Variants in GSAP observed in about 807,000 individuals in gnomAD.
GSAP encodes the protein gamma-secretase activating protein, also known as gamma-secretase-activating protein.
Under a neutral mutation model 131.7 loss-of-function variants are expected in GSAP, and 118 were observed. That is an observed-to-expected ratio of 0.90 (90% CI 0.77 to 1.04). The LOEUF (loss-of-function observed/expected upper bound fraction) is 1.04. GSAP is among the 50% of genes least tolerant of loss of function. The pLI is 0.00. For synonymous variants in GSAP, 381 were observed against 363.4 expected, an observed-to-expected ratio of 1.05 and a Z score of -0.55; for missense variants, 1,019 against 1,013.2, an observed-to-expected ratio of 1.01 and a Z score of -0.08.
chr7:77,334,047 A>AT (rs947152833), intron 19 of GSAP, among the ~76,000 whole-genome samples: 5 of 152,196 alleles, frequency 3.3e-5, no homozygotes, highest in Non-Finnish European at 7.4e-5. Flanking sequence ...GTATTATACC[A>AT]TTTGACCCAG....
intron 17 of GSAP, 91 bp from the exon 18 acceptor site, chr7:77,353,117 A>G (rs1437711561): frequency 8.2e-6 from 6 of 727,552 alleles, no homozygotes; most frequent in African/African-American, 1.7e-5. Flanking sequence ...ACGCAAACCA[A>G]CAAAGTTTTC....
chr7:77,341,679 G>A (rs1306543810), intron 19 of GSAP, among the ~76,000 whole-genome samples: 6 of 152,130 alleles, frequency 3.9e-5, no homozygotes, highest in Middle Eastern at 3.2e-3. Flanking sequence ...CCAGAAGGCC[G>A]TCTTATTCTC....
chr7:77,347,870 G>A (rs929438157), intron 19 of GSAP, among the ~76,000 whole-genome samples: 1 of 151,794 alleles, frequency 6.6e-6, no homozygotes, highest in Non-Finnish European at 1.5e-5. Context: ...AAAAAATTAT[G>A]GTCCATCATG....
intron 3 of GSAP, among the ~76,000 whole-genome samples, chr7:77,403,686 G>A (rs1391434912): frequency 6.6e-6 from 1 of 152,182 alleles, no homozygotes. Flanking sequence ...TGACCTGGGA[G>A]TACACAAATC....
chr7:77,416,174 T>TCCCCCCCCCCCCCCCCCCCCC, intron 1 of GSAP, 39 bp downstream of exon 1: 7 of 1,113,438 alleles, frequency 6.3e-6, no homozygotes, highest in South Asian at 1.7e-5. Context: ...GGACTCCCAC[T>TCCCCCCCCCCCCCCCCCCCCC]CCCCGCCCCC....
chr7:77,405,133 G>A (rs917986762), intron 2 of GSAP, among the ~76,000 whole-genome samples: 2 of 152,190 alleles, frequency 1.3e-5, no homozygotes, highest in African/African-American at 4.8e-5. Flanking sequence ...ACTTGACATT[G>A]AAAACACATT....
intron 19 of GSAP, among the ~76,000 whole-genome samples, chr7:77,344,528 A>G (rs374886584): frequency 6.6e-6 from 1 of 152,070 alleles, no homozygotes; most frequent in Non-Finnish European, 1.5e-5. Context: ...CATCCGTACT[A>G]TCTTCTGTCT....
At position 77,415,841 on chromosome 7, in the gene GSAP, C is replaced by G. The variant is rs985767463; in HGVS notation, c.109+372G>C. 24 of 209,898 alleles carry G rather than the reference C, an allele frequency of 1.1e-4. No homozygotes were observed. The Admixed American group carries it at 1.4e-3, about 13-fold the overall frequency. 13.0% of individuals were successfully genotyped at this position (209,898 alleles called of 1,614,324 possible). ...TGTCTTGGCAAAGCCCCTGCGCTGC[C>G]GATGAACCCCCCGGGAGGTGGGATG... On this transcript the variant is annotated intron_variant, in intron 1 of 30. Coordinates refer to ENST00000257626, the MANE Select transcript of GSAP (RefSeq NM_017439.4).
chr7:77,353,474 C>A, intron 17 of GSAP, 98 bp downstream of exon 17: 1 of 683,590 alleles, frequency 1.5e-6, no homozygotes, highest in Non-Finnish European at 2.6e-6. Flanking sequence ...TCCAAAGTAG[C>A]ATTTGGACAG....
chr7:77,407,895 T>C (rs1178062695), intron 1 of GSAP, among the ~76,000 whole-genome samples: 1 of 152,244 alleles, frequency 6.6e-6, no homozygotes, highest in Non-Finnish European at 1.5e-5. Context: ...AATTGTGTTA[T>C]ATCCAAACAG....
At position 77,376,839 on chromosome 7, in the gene GSAP, T is replaced by C; in HGVS notation, c.741+9A>G. The stretch of plus-strand genomic sequence containing the variant: ...ACTTTCCTGTAGTGTGATCATTTTC[T>C]GGACTTACCATTAAGTTATAGCTCT... On this transcript the variant is annotated intron_variant, in intron 10 of 30. Coordinates refer to ENST00000257626, the MANE Select transcript of GSAP (RefSeq NM_017439.4). The C allele has an allele frequency of 2.2e-6, 3 of 1,352,050 alleles. No homozygotes were observed. The highest frequency in any genetic ancestry group is 3.1e-6 in the Non-Finnish European group (3 of 966,422). 83.8% of individuals were successfully genotyped at this position (1,352,050 alleles called of 1,614,324 possible).
chr7:77,377,258 A>AAAAAAAAAAAAAG, intron 9 of GSAP, 28 bp downstream of exon 9: 1 of 1,400,742 alleles, frequency 7.1e-7, no homozygotes, highest in Non-Finnish European at 9.4e-7. Context: ...AAAAAAAAAA[A>AAAAAAAAAAAAAG]GGAGTGCCCG....
In GSAP at chr7:77,406,419, A is replaced by G. The variant is rs148678314; in HGVS notation, c.110-314T>C. The stretch of plus-strand genomic sequence containing the variant: ...ATACACTCTTTTCTGTGTGAATGTT[A>G]TACAATAAATTTCAAGTATCTATTA... On this transcript the variant is annotated intron_variant, in intron 1 of 30. Transcript: ENST00000257626. Among the ~76,000 whole-genome samples the G allele has an allele frequency of 8.9e-4, 136 of 152,298 alleles. 1 individual carries two copies. The highest frequency in any genetic ancestry group is 3.1e-3 in the African/African-American group (127 of 41,552).
intron 19 of GSAP, among the ~76,000 whole-genome samples, chr7:77,331,645 G>A (rs1422241263): frequency 6.6e-6 from 1 of 152,160 alleles, no homozygotes; most frequent in Non-Finnish European, 1.5e-5. Flanking sequence ...GTGTTTTGGA[G>A]TATCAGTAAA....
Position 77,311,441 on chromosome 7 carries a change from G to C in GSAP, c.2482C>G (p.Pro828Ala). Residue 828 changes from proline (P) to alanine (A), a missense_variant, in exon 31 of 31, where the codon CCT (proline) becomes GCT (alanine). Pro to Ala is a conservative substitution (Grantham distance 27, BLOSUM62 -1). Coordinates refer to ENST00000257626, the MANE Select transcript of GSAP (RefSeq NM_017439.4). The part of the protein sequence containing the change: ...DIESSNQALY[P>A]FEGHDNVDAE... ...TCCACATTGTCATGTCCTTCAAAAGGATACAGGGCTGGAAAAAAATGGGGA... is the reference window on the plus strand; with the variant it reads ...TCCACATTGTCATGTCCTTCAAAAGCATACAGGGCTGGAAAAAAATGGGGA... 1 of 1,604,520 alleles carries C rather than the reference G, an allele frequency of 6.2e-7. No homozygotes were observed.
rs1023198489 is a variant in GSAP, at chr7:77,382,470, C to T, written c.526+104G>A. The T allele has an allele frequency of 6.0e-6, 4 of 669,428 alleles. No individual in the cohort carries two copies. The East Asian group carries it at 7.7e-5, about 13-fold the overall frequency. 41.5% of individuals were successfully genotyped at this position (669,428 alleles called of 1,614,324 possible). A position where few individuals can be genotyped will look rare whatever the true frequency, so the allele number is the denominator to read the frequency against. On this transcript the variant is annotated intron_variant, in intron 7 of 30. Coordinates refer to ENST00000257626, the MANE Select transcript of GSAP (RefSeq NM_017439.4). ...TATGGACATCAAAGCTTAGCAGACC[C>T]TTGGCAATGGCAGGTGGATATCTAG...
intron 19 of GSAP, among the ~76,000 whole-genome samples, chr7:77,334,395 G>A (rs1789623931): frequency 1.3e-5 from 2 of 151,840 alleles, no homozygotes; most frequent in Non-Finnish European, 2.9e-5. Flanking sequence ...GACACAGGGA[G>A]GGGAACAACA....
chr7:77,364,655 T>TA (rs1377105679), intron 12 of GSAP, among the ~76,000 whole-genome samples: 1 of 152,162 alleles, frequency 6.6e-6, no homozygotes, highest in African/African-American at 2.4e-5. Context: ...ACATGTACCC[T>TA]AAAACTTAAA....
intron 19 of GSAP, among the ~76,000 whole-genome samples, chr7:77,333,089 C>A (rs967653124): frequency 2.0e-5 from 3 of 152,258 alleles, no homozygotes; most frequent in Middle Eastern, 3.4e-3. Context: ...AACACTTGAA[C>A]CCGGGAGGCG....
Sources: allele counts gnomAD v4.1 joint callset (sites outside exome capture counted in the v4.1 genomes callset), GRCh38; gene constraint gnomAD v4.1.1; transcripts MANE v1.5; gene names NCBI Gene and HGNC (gene_info 2026-07-23, HGNC 2026-07-21).